MGAT4B: variants seen among roughly 807,000 people sequenced by gnomAD.
MGAT4B encodes the protein alpha-1,3-mannosyl-glycoprotein 4-beta-N-acetylglucosaminyltransferase B.
A neutral mutation model predicts 73.9 loss-of-function variants in MGAT4B; 38 were observed. The ratio of observed to expected loss-of-function variants is 0.51; its 90% CI spans 0.40 to 0.67. MGAT4B has a LOEUF of 0.67. Ranked by LOEUF, MGAT4B falls within the 30% of genes least tolerant of loss-of-function variation. MGAT4B has a pLI of 0.00. For synonymous variants in MGAT4B, 373 were observed against 313.5 expected (o/e 1.19, Z -2.01); for missense variants, 686 against 735.2 (o/e 0.93, Z 0.77).
Position 179,805,510 on chromosome 5 carries a change from C to A in MGAT4B, c.97+977G>T, listed in dbSNP as rs539432033. ...CCTGGAGCCCCAAGGCCAGCCCAGGCCTCTGCTCTGGCAGAACAAGTGCGG... is the reference window on the plus strand; with the variant it reads ...CCTGGAGCCCCAAGGCCAGCCCAGGACTCTGCTCTGGCAGAACAAGTGCGG... On this transcript the variant is annotated intron_variant, in intron 1 of 14. Coordinates refer to ENST00000292591, the MANE Select transcript of MGAT4B (RefSeq NM_014275.5). 2.0e-5 allele frequency: 3 copies of A among 152,652 alleles called. No individual in the cohort carries two copies. The East Asian group carries it at 5.8e-4, about 29-fold the overall frequency. The allele number at this position is 152,652 out of a possible 1,614,324, so 9.5% of individuals were successfully genotyped here.
At chr5:179,802,595 C>T in intron 1 of MGAT4B, 2 of 990,514 alleles carry the variant, frequency 2.0e-6, no homozygotes, top group African/African-American at 1.7e-5. Context: ...TCTGAACGCC[C>T]TGGTGCCTGT....
At position 179,806,698 on chromosome 5, in the gene MGAT4B, G is replaced by C. The variant is rs1757177303; in HGVS notation, c.-115C>G. On this transcript the variant is annotated 5_prime_UTR_variant, in exon 1 of 15. Transcript: ENST00000292591. This position sits in a 1 kb window ranked among gnomAD's most constrained non-coding sequence, Gnocchi z 4.6. ...GGCGGCGGCAGGGGCCCCGGCCCCGGGTCGGGGAGGGGCGGGGGGCCCGGG... is the reference window on the plus strand; with the variant it reads ...GGCGGCGGCAGGGGCCCCGGCCCCGCGTCGGGGAGGGGCGGGGGGCCCGGG... The C allele has an allele frequency of 3.9e-6, 1 of 254,326 alleles. No individual in the cohort carries two copies. Among genetic ancestry groups the C allele is most frequent in the African/African-American group, 2.4e-5 (1 of 42,160 alleles). The allele number at this position is 254,326 out of a possible 1,614,324, so 15.8% of individuals were successfully genotyped here. A position where few individuals can be genotyped will look rare whatever the true frequency, so the allele number is the denominator to read the frequency against.
Position 179,798,999 on chromosome 5 carries a change from G to A in MGAT4B, c.1272C>T (p.Phe424=). The A allele has an allele frequency of 6.2e-7, 1 of 1,613,900 alleles. No homozygotes were observed. Among genetic ancestry groups the A allele is most frequent in the Non-Finnish European group, 8.5e-7 (1 of 1,180,044 alleles). The stretch of plus-strand genomic sequence containing the variant: ...CCGCGGCAGGGGTGAAGGCCCAGAA[G>A]AAGTCCTCGCGCAGGTAGGCTTTCT... ...TLEKAYLRED[F]FWAFTPAAGD... Residue 424 remains phenylalanine, a synonymous_variant, in exon 11 of 15, where the codon TTC becomes TTT. Transcript: ENST00000292591.
chr5:179,800,541 A>G lies in MGAT4B; in HGVS notation c.662T>C (p.Phe221Ser), dbSNP rs1180101795. 6.2e-7 allele frequency: 1 copy of G among 1,612,020 alleles called. No individual in the cohort carries two copies. The highest frequency in any genetic ancestry group is 2.2e-5 in the East Asian group (1 of 44,826). Residue 221 changes from phenylalanine (F) to serine (S), a missense_variant, in exon 6 of 15, where the codon TTC (phenylalanine) becomes TCC (serine). Physicochemically the swap from Phe to Ser is radical, Grantham distance 155. Coordinates refer to ENST00000292591, the MANE Select transcript of MGAT4B (RefSeq NM_014275.5). Reference sequence around the variant, plus strand: ...TCGGAGGCGGGAGAAGTCAGGGTAGAAGTGGGGGGAGGGTGAGATGACCTC... The same window carrying G: ...TCGGAGGCGGGAGAAGTCAGGGTAGGAGTGGGGGGAGGGTGAGATGACCTC... Reference protein sequence around the residue: ...LLEVISPSPHFYPDFSRLRES... With the variant: ...LLEVISPSPHSYPDFSRLRES...
At chr5:179,799,393 C>G in intron 9 of MGAT4B, 83 bp from the exon 10 acceptor site, 1 of 1,604,328 alleles carries the variant, frequency 6.2e-7, no homozygotes, top group East Asian at 2.2e-5. Flanking sequence ...CCAGGGCCCT[C>G]CCACAGCTGA....
intron 1 of MGAT4B, chr5:179,802,842 C>T (rs1295365026): frequency 1.6e-5 from 16 of 985,484 alleles, no homozygotes; most frequent in East Asian, 1.1e-4. Flanking sequence ...CGCAGCAGGA[C>T]GCTCCAGGCC....
intron 1 of MGAT4B, among the ~76,000 whole-genome samples, chr5:179,804,777 G>C (rs1382795132): frequency 6.6e-6 from 1 of 152,172 alleles, no homozygotes; most frequent in Non-Finnish European, 1.5e-5. Context: ...GGTTTCACCA[G>C]GGGTTTAAGA....
rs149772768 is a variant in MGAT4B at position 179,798,929 on chromosome 5, G to A, written c.1342C>T (p.Arg448Trp). 35 of 1,613,352 alleles carry A rather than the reference G, an allele frequency of 2.2e-5. No homozygotes were observed. The highest frequency in any genetic ancestry group is 2.7e-5 in the Non-Finnish European group (32 of 1,180,028). Residue 448 changes from arginine to tryptophan, a missense_variant and splice_region_variant, in exon 11 of 15, where the codon CGG becomes TGG. Around this residue, in one of 2 missense-constraint regions of MGAT4B, gnomAD observed 449 missense variants for 536.8 expected, o/e 0.84. Transcript: ENST00000292591. ...FRFFQPLRLE[R>W]FFFRSGNIEH... is the part of the protein sequence containing the mutation. ...CAGACCCATGGTGCTGGCACTGACC[G>A]CTCCAGTCTTAGAGGTTGGAAGAAG...
Position 179,801,086 on chromosome 5 carries a change from A to T in MGAT4B, c.559-133T>A. 4.7e-6 allele frequency: 6 copies of T among 1,278,684 alleles called. No homozygotes were observed. Among genetic ancestry groups the T allele is most frequent in the Middle Eastern group, 2.5e-4 (1 of 3,970 alleles). The allele number at this position is 1,278,684 out of a possible 1,614,324, so 79.2% of individuals were successfully genotyped here. On this transcript the variant is annotated intron_variant, in intron 4 of 14. Transcript: ENST00000292591. This position sits in a 1 kb window ranked among gnomAD's most constrained non-coding sequence, Gnocchi z 4.8. Reference sequence around the variant, plus strand: ...GAGCCTGCTGTGCTGAGGGCGGAGTAAGGGGGCCCCCAGAGACGGCCCTTT... The same window carrying T: ...GAGCCTGCTGTGCTGAGGGCGGAGTTAGGGGGCCCCCAGAGACGGCCCTTT...
chr5:179,800,991 C>G (rs1756897336), intron 4 of MGAT4B, 38 bp from the exon 5 acceptor site: 2 of 1,611,310 alleles, frequency 1.2e-6, no homozygotes, highest in African/African-American at 2.7e-5. Flanking sequence ...AGCCCTGCTG[C>G]TGCCCCAAAA....
intron 7 of MGAT4B, 29 bp downstream of exon 7, chr5:179,800,130 CGCAGGGCAGGGCGGCGCAGGGCAGG>C: frequency 6.2e-7 from 1 of 1,606,780 alleles, no homozygotes; most frequent in Non-Finnish European, 8.5e-7. Context: ...CCAGACCCAT[CGCAGGGCAGGGCGGCGCAGGGCAGG>C]GCAGGGCAAC....
In MGAT4B at chr5:179,802,005, T is replaced by C. The variant is rs181947719; in HGVS notation, c.98-36A>G. The C allele has an allele frequency of 3.1e-6, 5 of 1,613,254 alleles. No homozygotes were observed. In the South Asian group the frequency reaches 4.4e-5, roughly 14 times the overall value. ...TAGGCAAGCCGTCACGAGGGGGCGG[T>C]CTAGAGCCACCCTACGGGCCCCTCC... On this transcript the variant is annotated intron_variant, in intron 1 of 14. Transcript: ENST00000292591.
Position 179,801,043 on chromosome 5 carries a change from C to T in MGAT4B, c.559-90G>A. The T allele has an allele frequency of 1.3e-6, 2 of 1,492,414 alleles. No individual in the cohort carries two copies. The highest frequency in any genetic ancestry group is 1.8e-4 in the Middle Eastern group (1 of 5,488). 92.4% of individuals were successfully genotyped at this position (1,492,414 alleles called of 1,614,324 possible). ...GAGAAGGGGCACAGGCTTCAGATGC[C>T]CCCCACGTGGAGGGAGTGAGCCTGC... On this transcript the variant is annotated intron_variant, in intron 4 of 14. Coordinates refer to ENST00000292591, the MANE Select transcript of MGAT4B (RefSeq NM_014275.5). This position sits in a 1 kb window ranked among gnomAD's most constrained non-coding sequence, Gnocchi z 4.8.
In MGAT4B at chr5:179,806,245, G is replaced by A. The variant is rs1299842831; in HGVS notation, c.97+242C>T. 1 of 171,690 alleles carries A rather than the reference G, an allele frequency of 5.8e-6. No individual in the cohort carries two copies. Among genetic ancestry groups the A allele is most frequent in the Non-Finnish European group, 1.2e-5 (1 of 81,512 alleles). The allele number at this position is 171,690 out of a possible 1,614,324, so 10.6% of individuals were successfully genotyped here. A position where few individuals can be genotyped will look rare whatever the true frequency, so the allele number is the denominator to read the frequency against. On this transcript the variant is annotated intron_variant, in intron 1 of 14. Coordinates refer to ENST00000292591, the MANE Select transcript of MGAT4B (RefSeq NM_014275.5). The surrounding 1 kb of genome is among the most constrained non-coding windows in gnomAD (Gnocchi z 4.6). ...CCCACGGGTCCCCAGCTCAGCGTCG[G>A]GACAGCTGCGCCCGCGGAGTCCGGT...
At chr5:179,803,162 G>T (rs1227992777) in intron 1 of MGAT4B, 2 of 985,516 alleles carry the variant, frequency 2.0e-6, no homozygotes, top group Non-Finnish European at 2.4e-6. Context: ...AGGAGGGAAA[G>T]GTTTAAGGAG....
At position 179,798,561 on chromosome 5, in the gene MGAT4B, G is replaced by A. The variant is rs750271780; in HGVS notation, c.1374C>T (p.His458=). The A allele has an allele frequency of 6.2e-7, 1 of 1,613,524 alleles. No individual in the cohort carries two copies. The highest frequency in any genetic ancestry group is 8.5e-7 in the Non-Finnish European group (1 of 1,180,016). Residue 458 remains histidine, a synonymous_variant, in exon 12 of 15, where the codon CAC becomes CAT. Coordinates refer to ENST00000292591, the MANE Select transcript of MGAT4B (RefSeq NM_014275.5). ...ACGTGTTGAAGAGCTTGTCCTCCGG[G>A]TGCTCGATGTTCCCACTGCGGAAGA... ...RFFFRSGNIE[H]PEDKLFNTSV...
In MGAT4B at chr5:179,800,546, G is replaced by T; in HGVS notation, c.657C>A (p.Pro219=). 6.2e-7 allele frequency: 1 copy of T among 1,612,362 alleles called. No individual in the cohort carries two copies. Among genetic ancestry groups the T allele is most frequent in the South Asian group, 1.1e-5 (1 of 90,948 alleles). ...GGCGGGAGAAGTCAGGGTAGAAGTG[G>T]GGGGAGGGTGAGATGACCTCCAGGA... The part of the protein sequence containing the change: ...SGLLEVISPS[P]HFYPDFSRLR... Residue 219 remains proline (P), a synonymous_variant, in exon 6 of 15, where the codon CCC becomes CCA. Transcript: ENST00000292591.
rs761995339 is a variant in MGAT4B, at chr5:179,800,080, GCA to G, written c.796-14_796-13del. The G allele has an allele frequency of 1.2e-6, 2 of 1,612,756 alleles. No individual in the cohort carries two copies. Among genetic ancestry groups the G allele is most frequent in the South Asian group, 2.2e-5 (2 of 91,064 alleles). On this transcript the variant is annotated splice_polypyrimidine_tract_variant and intron_variant, in intron 7 of 14. Transcript: ENST00000292591. ...ATGTCATCCTCCAGCTGCGAGGTGA[GCA>G]GAGAGGGGCTGGGGCTGAGGAAGGG... is the stretch of plus-strand genomic sequence containing the variant.
rs776457166 is a variant in MGAT4B at position 179,801,479 on chromosome 5, G to A, written c.425-12C>T. The A allele has an allele frequency of 2.2e-5, 36 of 1,603,404 alleles. No individual in the cohort carries two copies. Among genetic ancestry groups the A allele is most frequent in the African/African-American group, 1.9e-4 (14 of 74,690 alleles). On this transcript the variant is annotated splice_polypyrimidine_tract_variant and intron_variant, in intron 3 of 14. Transcript: ENST00000292591. This position sits in a 1 kb window ranked among gnomAD's most constrained non-coding sequence, Gnocchi z 4.8. Reference sequence around the variant, plus strand: ...CATCACCACCGACACTATGGGGGACGGAGGCCCGACGCTGGAAAGGGTGCG... The same window carrying A: ...CATCACCACCGACACTATGGGGGACAGAGGCCCGACGCTGGAAAGGGTGCG...
Sources: allele counts gnomAD v4.1 joint callset (sites outside exome capture counted in the v4.1 genomes callset), GRCh38; gene constraint gnomAD v4.1.1; regional missense constraint gnomAD v4.1.1; non-coding constraint Gnocchi (gnomAD v3.1); transcripts MANE v1.5; gene names NCBI Gene and HGNC (gene_info 2026-07-23, HGNC 2026-07-21).